HOXD4: variants seen among roughly 807,000 people sequenced by gnomAD.
HOXD4 encodes homeobox D4, also known as homeobox protein Hox-D4.
In HOXD4, 15 loss-of-function variants were observed where a neutral mutation model predicts 22.6. That is an observed-to-expected ratio of 0.67 (90% CI 0.45 to 1.02). The LOEUF is 1.02. Ranked by LOEUF, HOXD4 falls within the 50% of genes least tolerant of loss-of-function variation. The probability of loss-of-function intolerance (pLI) is 0.00; values close to 1 mark genes in which losing one functional copy is unlikely to be tolerated. For synonymous variants in HOXD4, 176 were observed against 157.0 expected (o/e 1.12, Z -0.90); for missense variants, 350 against 346.6 (o/e 1.01, Z -0.08).
In HOXD4 at chr2:176,152,712, A is replaced by G. The variant is rs779776828; in HGVS notation, c.538A>G (p.Thr180Ala). ...AGAATTTCATTTTAACAGGTATCTG[A>G]CAAGGCGCCGTCGGATTGAAATCGC... is the stretch of plus-strand genomic sequence containing the variant. ...EKEFHFNRYL[T>A]RRRRIEIAHT... The change falls in exon 2 of 2, where the codon ACA becomes GCA. Residue 180 changes from threonine to alanine, a missense_variant. Thr to Ala is a moderately conservative substitution (Grantham distance 58). Transcript: ENST00000306324. The surrounding 1 kb of genome is among the most constrained non-coding windows in gnomAD (Gnocchi z 5.2). 1 of 1,614,176 alleles carries G rather than the reference A, an allele frequency of 6.2e-7. No homozygotes were observed. The highest frequency in any genetic ancestry group is 1.7e-5 in the Admixed American group (1 of 60,028).
chr2:176,151,815 C>G lies in HOXD4; in HGVS notation c.182C>G (p.Pro61Arg), dbSNP rs772572412. The stretch of plus-strand genomic sequence containing the variant: ...CCACGGCCCGACTTCGGTGAGCAGC[C>G]TTTCGGAGGCAGCGGCCCCGGGCCT... The part of the protein sequence containing the change: ...LYPRPDFGEQ[P>R]FGGSGPGPGS... Residue 61 changes from proline to arginine, a missense_variant, in exon 1 of 2, where the codon CCT becomes CGT. Physicochemically the swap from Pro to Arg is moderately radical, Grantham distance 103. Transcript: ENST00000306324. 8 of 1,609,186 alleles carry G rather than the reference C, an allele frequency of 5.0e-6. No homozygotes were observed. In the African/African-American group the frequency reaches 1.1e-4, roughly 22 times the overall value.
chr2:176,152,821 C>A lies in HOXD4; in HGVS notation c.647C>A (p.Pro216His). 6.2e-7 allele frequency: 1 copy of A among 1,614,192 alleles called. No homozygotes were observed. The highest frequency in any genetic ancestry group is 8.5e-7 in the Non-Finnish European group (1 of 1,180,032). ...RMKWKKDHKL[P>H]NTKGRSSSSS... is the part of the protein sequence containing the mutation. ...AAGTGGAAAAAAGATCATAAGCTGC[C>A]CAACACTAAAGGCAGGTCATCGTCC... Residue 216 changes from proline to histidine, a missense_variant, in exon 2 of 2, where the codon CCC (proline) becomes CAC (histidine). Pro to His is a moderately conservative substitution (Grantham distance 77). Coordinates refer to ENST00000306324, the MANE Select transcript of HOXD4 (RefSeq NM_014621.3). The surrounding 1 kb of genome is among the most constrained non-coding windows in gnomAD (Gnocchi z 5.2).
At position 176,152,577 on chromosome 2, in the gene HOXD4, ACCTGCCTGT is replaced by A. The variant is rs757211370; in HGVS notation, c.434-26_434-18del. 6.3e-7 allele frequency: 1 copy of A among 1,588,074 alleles called. No individual in the cohort carries two copies. On this transcript the variant is annotated intron_variant, in intron 1 of 1. Coordinates refer to ENST00000306324, the MANE Select transcript of HOXD4 (RefSeq NM_014621.3). This position sits in a 1 kb window ranked among gnomAD's most constrained non-coding sequence, Gnocchi z 5.2. ...GGGCCTAACTAGTGGCCGGGCGCTG[ACCTGCCTGT>A]CCTGTCTGTTTTGTCTCGCAGTGAA...
Position 176,152,980 on chromosome 2 carries a change from G to A in HOXD4, c.*38G>A. 6.3e-7 allele frequency: 1 copy of A among 1,599,222 alleles called. No homozygotes were observed. Among genetic ancestry groups the A allele is most frequent in the South Asian group, 1.1e-5 (1 of 90,780 alleles). On this transcript the variant is annotated 3_prime_UTR_variant, in exon 2 of 2. Coordinates refer to ENST00000306324, the MANE Select transcript of HOXD4 (RefSeq NM_014621.3). The surrounding 1 kb of genome is among the most constrained non-coding windows in gnomAD (Gnocchi z 5.2). ...TGGGCCCATCTCTCCCTGCGCACCA[G>A]GCTGAGCCGAAGCTGCGGGGGCAGG...
Position 176,151,892 on chromosome 2 carries a change from G to T in HOXD4, c.259G>T (p.Gly87Cys). The T allele has an allele frequency of 6.3e-7, 1 of 1,587,728 alleles. No homozygotes were observed. Among genetic ancestry groups the T allele is most frequent in the South Asian group, 1.1e-5 (1 of 88,990 alleles). The change falls in exon 1 of 2, where the codon GGT becomes TGT. Residue 87 changes from glycine (G) to cysteine (C), a missense_variant. By Grantham distance (159) the Gly-to-Cys change is radical. Coordinates refer to ENST00000306324, the MANE Select transcript of HOXD4 (RefSeq NM_014621.3). ...GHGQEPGGPGGHYAAPGEPCP... is the reference protein window; with the variant it reads ...GHGQEPGGPGCHYAAPGEPCP... The stretch of plus-strand genomic sequence containing the variant: ...CGGACAAGAGCCAGGCGGCCCCGGC[G>T]GTCACTACGCCGCTCCAGGAGAGCC...
chr2:176,152,025 C>T lies in HOXD4; in HGVS notation c.392C>T (p.Ala131Val), dbSNP rs763920454. ...PPSGTALKQP[A>V]VVYPWMKKVH... ...TCCGGGACGGCACTCAAGCAGCCGG[C>T]CGTGGTCTACCCCTGGATGAAGAAG... The change falls in exon 1 of 2, where the codon GCC (alanine) becomes GTC (valine). Residue 131 changes from alanine to valine, a missense_variant. By Grantham distance (64) the Ala-to-Val change is moderately conservative. Coordinates refer to ENST00000306324, the MANE Select transcript of HOXD4 (RefSeq NM_014621.3). This position sits in a 1 kb window ranked among gnomAD's most constrained non-coding sequence, Gnocchi z 5.2. 8 of 1,613,552 alleles carry T rather than the reference C, an allele frequency of 5.0e-6. No homozygotes were observed. The East Asian group carries it at 1.8e-4, about 36-fold the overall frequency.
Position 176,152,535 on chromosome 2 carries a change from T to G in HOXD4, c.434-73T>G, listed in dbSNP as rs1574973723. ...GCGGGCCTCGGGGCGCGCCAGGAAG[T>G]GAGCGGCGGAGGCGAGGGGCCTAAC... is the stretch of plus-strand genomic sequence containing the variant. On this transcript the variant is annotated intron_variant, in intron 1 of 1. Transcript: ENST00000306324. This position sits in a 1 kb window ranked among gnomAD's most constrained non-coding sequence, Gnocchi z 5.2. 6.8e-6 allele frequency: 9 copies of G among 1,315,028 alleles called. No homozygotes were observed. The East Asian group carries it at 2.1e-4, about 30-fold the overall frequency. The allele number at this position is 1,315,028 out of a possible 1,614,324, so 81.5% of individuals were successfully genotyped here.
At position 176,151,898 on chromosome 2, in the gene HOXD4, T is replaced by C; in HGVS notation, c.265T>C (p.Tyr89His). 1 of 1,590,232 alleles carries C rather than the reference T, an allele frequency of 6.3e-7. No individual in the cohort carries two copies. Among genetic ancestry groups the C allele is most frequent in the Non-Finnish European group, 8.6e-7 (1 of 1,168,098 alleles). The change falls in exon 1 of 2, where the codon TAC (tyrosine) becomes CAC (histidine). Residue 89 changes from tyrosine (Y) to histidine (H), a missense_variant. Tyr to His is a moderately conservative substitution (Grantham distance 83). Transcript: ENST00000306324. ...GQEPGGPGGH[Y>H]AAPGEPCPAP... ...AGAGCCAGGCGGCCCCGGCGGTCAC[T>C]ACGCCGCTCCAGGAGAGCCTTGCCC... is the stretch of plus-strand genomic sequence containing the variant.
chr2:176,151,884 G>A lies in HOXD4; in HGVS notation c.251G>A (p.Gly84Asp). The A allele has an allele frequency of 1.3e-6, 2 of 1,584,982 alleles. No homozygotes were observed. Among genetic ancestry groups the A allele is most frequent in the Non-Finnish European group, 1.7e-6 (2 of 1,165,414 alleles). Reference sequence around the variant, plus strand: ...CGGGGTCACGGACAAGAGCCAGGCGGCCCCGGCGGTCACTACGCCGCTCCA... The same window carrying A: ...CGGGGTCACGGACAAGAGCCAGGCGACCCCGGCGGTCACTACGCCGCTCCA... ...PARGHGQEPGGPGGHYAAPGE... is the reference protein window; with the variant it reads ...PARGHGQEPGDPGGHYAAPGE... Residue 84 changes from glycine (G) to aspartate (D), a missense_variant, in exon 1 of 2, where the codon GGC becomes GAC. Physicochemically the swap from Gly to Asp is moderately conservative, Grantham distance 94. Coordinates refer to ENST00000306324, the MANE Select transcript of HOXD4 (RefSeq NM_014621.3).
In HOXD4 at chr2:176,151,820, G is replaced by A; in HGVS notation, c.187G>A (p.Gly63Arg). The A allele has an allele frequency of 2.5e-6, 4 of 1,607,346 alleles. No individual in the cohort carries two copies. Among genetic ancestry groups the A allele is most frequent in the Non-Finnish European group, 3.4e-6 (4 of 1,177,096 alleles). Residue 63 changes from glycine (G) to arginine (R), a missense_variant, in exon 1 of 2, where the codon GGA (glycine) becomes AGA (arginine). Gly to Arg is a moderately radical substitution (Grantham distance 125). Transcript: ENST00000306324. ...PRPDFGEQPF[G>R]GSGPGPGSAL... is the part of the protein sequence containing the mutation. The stretch of plus-strand genomic sequence containing the variant: ...GCCCGACTTCGGTGAGCAGCCTTTC[G>A]GAGGCAGCGGCCCCGGGCCTGGCTC...
rs1343888725 is a variant in HOXD4 at position 176,151,786 on chromosome 2, C to G, written c.153C>G (p.Leu51=). Residue 51 remains leucine, a synonymous_variant, in exon 1 of 2, where the codon CTC becomes CTG. Transcript: ENST00000306324. ...GCGCAGACTTCCAGCCCCCGGGGCTCTACCCACGGCCCGACTTCGGTGAGC... is the reference window on the plus strand; with the variant it reads ...GCGCAGACTTCCAGCCCCCGGGGCTGTACCCACGGCCCGACTTCGGTGAGC... ...AQGADFQPPG[L]YPRPDFGEQP... 1 of 1,612,124 alleles carries G rather than the reference C, an allele frequency of 6.2e-7. No homozygotes were observed. The highest frequency in any genetic ancestry group is 8.5e-7 in the Non-Finnish European group (1 of 1,179,602).
Position 176,152,449 on chromosome 2 carries a change from T to C in HOXD4, c.434-159T>C, listed in dbSNP as rs1690555770. 8.2e-6 allele frequency among the ~76,000 whole-genome samples: 1 copy of C among 121,406 alleles called. No homozygotes were observed. The highest frequency in any genetic ancestry group is 3.1e-5 in the African/African-American group (1 of 31,980). The allele number at this position is 121,406 out of a possible 152,430, so 79.6% of individuals were successfully genotyped here. A position where few individuals can be genotyped will look rare whatever the true frequency, so the allele number is the denominator to read the frequency against. On this transcript the variant is annotated intron_variant, in intron 1 of 1. Transcript: ENST00000306324. This position sits in a 1 kb window ranked among gnomAD's most constrained non-coding sequence, Gnocchi z 5.2. ...GAGGAGGTGGGTGGGAGTGAGCGTG[T>C]GCGCCGGGGAGAGGGCGGGAGGGAG...
Position 176,153,138 on chromosome 2 carries a change from G to C in HOXD4, c.*196G>C, listed in dbSNP as rs1194408797. On this transcript the variant is annotated 3_prime_UTR_variant, in exon 2 of 2. Transcript: ENST00000306324. ...CCTAGAGCGGGATGGGGATGGGAGG[G>C]GGGGCGGGATTCTCTCTCTAAGTAT... 2.5e-5 allele frequency: 13 copies of C among 516,840 alleles called. 1 individual carries two copies. The highest frequency in any genetic ancestry group is 1.4e-4 in the South Asian group (7 of 49,966). 32.0% of individuals were successfully genotyped at this position (516,840 alleles called of 1,614,324 possible).
Position 176,153,105 on chromosome 2 carries a change from G to GC in HOXD4, c.*168dup. On this transcript the variant is annotated 3_prime_UTR_variant, in exon 2 of 2. Transcript: ENST00000306324. ...TAGGTTAGCATCCTGCCCGAGGGCAGCCCCCTCCCTAGAGCGGGATGGGGA... is the reference window on the plus strand; with the variant it reads ...TAGGTTAGCATCCTGCCCGAGGGCAGCCCCCCTCCCTAGAGCGGGATGGGGA... The GC allele has an allele frequency of 5.1e-6, 2 of 389,354 alleles. No homozygotes were observed. The highest frequency in any genetic ancestry group is 4.0e-5 in the South Asian group (2 of 50,588). 24.1% of individuals were successfully genotyped at this position (389,354 alleles called of 1,614,324 possible).
chr2:176,152,924 G>A lies in HOXD4; in HGVS notation c.750G>A (p.Thr250=), dbSNP rs777306654. The A allele has an allele frequency of 3.7e-6, 6 of 1,614,142 alleles. No homozygotes were observed. The Admixed American group carries it at 5.0e-5, about 13-fold the overall frequency. ...AGCCGATGGCCAAAGACCACCACAC[G>A]GACCTGACGACCTTATAGAAGTGGG... ...HLQPMAKDHH[T]DLTTL is the part of the protein sequence containing the mutation. Residue 250 remains threonine, a synonymous_variant, in exon 2 of 2, where the codon ACG becomes ACA. Transcript: ENST00000306324. The surrounding 1 kb of genome is among the most constrained non-coding windows in gnomAD (Gnocchi z 5.2).
Position 176,152,912 on chromosome 2 carries a change from A to C in HOXD4, c.738A>C (p.Lys246Asn), listed in dbSNP as rs756094373. 6.2e-7 allele frequency: 1 copy of C among 1,614,158 alleles called. No individual in the cohort carries two copies. Among genetic ancestry groups the C allele is most frequent in the South Asian group, 1.1e-5 (1 of 91,076 alleles). The part of the protein sequence containing the change: ...APSQHLQPMA[K>N]DHHTDLTTL ...GCCAGCATTTACAGCCGATGGCCAAAGACCACCACACGGACCTGACGACCT... is the reference window on the plus strand; with the variant it reads ...GCCAGCATTTACAGCCGATGGCCAACGACCACCACACGGACCTGACGACCT... Residue 246 changes from lysine (K) to asparagine (N), a missense_variant, in exon 2 of 2, where the codon AAA (lysine) becomes AAC (asparagine). By Grantham distance (94) the Lys-to-Asn change is moderately conservative. Transcript: ENST00000306324. The surrounding 1 kb of genome is among the most constrained non-coding windows in gnomAD (Gnocchi z 5.2).
In HOXD4 at chr2:176,152,494, G is replaced by A. The variant is rs1165148761; in HGVS notation, c.434-114G>A. The stretch of plus-strand genomic sequence containing the variant: ...AGGGAGGAAGCAAGCGAGCTTGGGA[G>A]CGCGCGGGGAGGGCCGCGGGCCTCG... On this transcript the variant is annotated intron_variant, in intron 1 of 1. Coordinates refer to ENST00000306324, the MANE Select transcript of HOXD4 (RefSeq NM_014621.3). This position sits in a 1 kb window ranked among gnomAD's most constrained non-coding sequence, Gnocchi z 5.2. The A allele has an allele frequency of 1.4e-5, 12 of 857,644 alleles. No homozygotes were observed. The East Asian group carries it at 2.8e-4, about 20-fold the overall frequency. 53.1% of individuals were successfully genotyped at this position (857,644 alleles called of 1,614,324 possible). A position where few individuals can be genotyped will look rare whatever the true frequency, so the allele number is the denominator to read the frequency against.
rs770622585 is a variant in HOXD4, at chr2:176,152,004, G to A, written c.371G>A (p.Gly124Glu). 1 of 1,613,468 alleles carries A rather than the reference G, an allele frequency of 6.2e-7. No individual in the cohort carries two copies. Among genetic ancestry groups the A allele is most frequent in the African/African-American group, 1.3e-5 (1 of 75,036 alleles). ...SQSDPKQPPSGTALKQPAVVY... is the reference protein window; with the variant it reads ...SQSDPKQPPSETALKQPAVVY... ...TCCGACCCCAAGCAGCCGCCCTCCG[G>A]GACGGCACTCAAGCAGCCGGCCGTG... The change falls in exon 1 of 2, where the codon GGG (glycine) becomes GAG (glutamate). Residue 124 changes from glycine to glutamate, a missense_variant. Physicochemically the swap from Gly to Glu is moderately conservative, Grantham distance 98. Coordinates refer to ENST00000306324, the MANE Select transcript of HOXD4 (RefSeq NM_014621.3). This position sits in a 1 kb window ranked among gnomAD's most constrained non-coding sequence, Gnocchi z 5.2.
In HOXD4 at chr2:176,153,039, T is replaced by C. The variant is rs2105424225; in HGVS notation, c.*97T>C. ...GCTGTCACCTCGCTGGGCTCTAAGG[T>C]ACTGTGGGGTGGACCTGGGACAAGC... On this transcript the variant is annotated 3_prime_UTR_variant, in exon 2 of 2. Coordinates refer to ENST00000306324, the MANE Select transcript of HOXD4 (RefSeq NM_014621.3). 2 of 1,227,600 alleles carry C rather than the reference T, an allele frequency of 1.6e-6. No homozygotes were observed. Among genetic ancestry groups the C allele is most frequent in the Middle Eastern group, 1.9e-4 (1 of 5,178 alleles). 76.0% of individuals were successfully genotyped at this position (1,227,600 alleles called of 1,614,324 possible). A position where few individuals can be genotyped will look rare whatever the true frequency, so the allele number is the denominator to read the frequency against.
Sources: gnomAD v4.1 joint callset for allele counts (sites outside exome capture counted in the v4.1 genomes callset) on GRCh38, gnomAD v4.1.1 for gene constraint, Gnocchi (gnomAD v3.1) non-coding constraint, MANE v1.5 for transcripts, NCBI Gene and HGNC (gene_info 2026-07-23, HGNC 2026-07-21) for gene names.